Variants in TRPC5 observed in about 807,000 individuals in gnomAD.
TRPC5 encodes the protein short transient receptor potential channel 5.
TRPC5 carries 9 observed loss-of-function variants against 56.5 expected under a neutral mutation model. The ratio of observed to expected loss-of-function variants is 0.16; its 90% CI spans 0.10 to 0.28. The LOEUF (loss-of-function observed/expected upper bound fraction) is 0.28. Ranked by LOEUF, TRPC5 falls within the 10% of genes least tolerant of loss-of-function variation. TRPC5 has a pLI of 1.00. For missense variants in TRPC5, 469 were observed against 748.9 expected (o/e 0.63, Z 4.36); for synonymous variants, 282 against 278.5 (o/e 1.01, Z -0.13).
chrX:111,884,818 G>A (rs1411703824), intron 3 of TRPC5, among the ~76,000 whole-genome samples: 3 of 112,809 alleles, frequency 2.7e-5, no homozygotes, highest in African/African-American at 9.6e-5. Context: ...GCCTATCTAG[G>A]GCATAAGTCT....
chrX:111,842,189 G>A (rs1430248058), intron 6 of TRPC5, among the ~76,000 whole-genome samples: 1 of 100,242 alleles, frequency 1.0e-5, no homozygotes, highest in Non-Finnish European at 1.9e-5. Context: ...CCAGGCTGGA[G>A]TGAAATGGAG....
Position 111,936,543 on chromosome X carries a change from GTCC to G in TRPC5, c.378+15497_378+15499del, listed in dbSNP as rs1319972613. 2.8e-5 allele frequency among the ~76,000 whole-genome samples: 3 copies of G among 108,180 alleles called. No individual in the cohort carries two copies. In the East Asian group the frequency reaches 8.8e-4, roughly 32 times the overall value. 93.9% of individuals were successfully genotyped at this position (108,180 alleles called of 115,157 possible). ...CAGAGTGTGATGTTCCCTTTCCTGT[GTCC>G]ATGTGTTCTCATTGTTCAATTCCCA... On this transcript the variant is annotated intron_variant, in intron 2 of 10. Coordinates refer to ENST00000262839, the MANE Select transcript of TRPC5 (RefSeq NM_012471.3).
chrX:111,839,557 A>G (rs1484609138), intron 6 of TRPC5, among the ~76,000 whole-genome samples: 1 of 111,992 alleles, frequency 8.9e-6, no homozygotes, highest in Non-Finnish European at 1.9e-5. Context: ...CTTTGCATAT[A>G]CAGTTGTCCC....
rs755460218 is a variant in TRPC5, at chrX:111,786,417, A to G, written c.1897-4279T>C. On this transcript the variant is annotated intron_variant, in intron 7 of 10. Coordinates refer to ENST00000262839, the MANE Select transcript of TRPC5 (RefSeq NM_012471.3). Reference sequence around the variant, plus strand: ...CCTTACAAGAGCTACTGAATGAAGCACTAAACATGGATAGAAACAACCGGT... The same window carrying G: ...CCTTACAAGAGCTACTGAATGAAGCGCTAAACATGGATAGAAACAACCGGT... 4.5e-5 allele frequency among the ~76,000 whole-genome samples: 5 copies of G among 111,910 alleles called. No individual in the cohort carries two copies. The East Asian group carries it at 1.4e-3, about 31-fold the overall frequency.
In TRPC5 at chrX:111,952,396, C is replaced by A. The variant is rs763628339; in HGVS notation, c.25G>T (p.Val9Phe). The A allele has an allele frequency of 1.7e-6, 2 of 1,206,737 alleles. No homozygotes were observed. ...CGGTCTCTGTACGGTGAGTAGTTGA[C>A]CTTTTTGTAGTACAGTTGGGCCATG... MAQLYYKK[V>F]NYSPYRDRIP... The change falls in exon 2 of 11, where the codon GTC becomes TTC. Residue 9 changes from valine to phenylalanine, a missense_variant. By Grantham distance (50) the Val-to-Phe change is conservative (BLOSUM62 -1). Coordinates refer to ENST00000262839, the MANE Select transcript of TRPC5 (RefSeq NM_012471.3).
intron 2 of TRPC5, among the ~76,000 whole-genome samples, chrX:111,923,488 A>AT (rs1926178477): frequency 8.9e-6 from 1 of 112,152 alleles, no homozygotes; most frequent in Non-Finnish European, 1.9e-5. Context: ...CTGGAAAGGC[A>AT]TTTTTGTCAC....
chrX:111,779,332 G>A (rs1172295729), intron 9 of TRPC5, among the ~76,000 whole-genome samples: 1 of 111,784 alleles, frequency 8.9e-6, no homozygotes, highest in African/African-American at 3.2e-5. Flanking sequence ...ATTTCCAGTG[G>A]AATAATTCTT....
chrX:111,991,964 CAGAG>C (rs1324930860), intron 1 of TRPC5, among the ~76,000 whole-genome samples: 1 of 112,196 alleles, frequency 8.9e-6, no homozygotes, highest in Non-Finnish European at 1.9e-5. Context: ...CTTTCTAACT[CAGAG>C]AGAATTTATC....
chrX:111,825,222 C>T (rs1290973799), intron 7 of TRPC5, among the ~76,000 whole-genome samples: 11 of 60,872 alleles, frequency 1.8e-4, no homozygotes, highest in African/African-American at 6.2e-4. Context: ...TTTCTTTCTT[C>T]TTTCTTTCTC....
chrX:111,965,266 A>G (rs750283543), intron 1 of TRPC5, among the ~76,000 whole-genome samples: 1 of 112,338 alleles, frequency 8.9e-6, no homozygotes, highest in African/African-American at 3.2e-5. Context: ...TTCAACAAGA[A>G]GAGCTAACTA....
At chrX:112,051,870 A>G (rs143513636) in intron 1 of TRPC5, among the ~76,000 whole-genome samples, 1,699 of 111,934 alleles carry the variant, frequency 0.015, 23 homozygotes, top group Middle Eastern at 0.06. Flanking sequence ...ATTGATTCAC[A>G]CAGAAGTTGG....
chrX:111,924,107 G>T (rs1428905876), intron 2 of TRPC5, among the ~76,000 whole-genome samples: 1 of 112,112 alleles, frequency 8.9e-6, no homozygotes, highest in Non-Finnish European at 1.9e-5. Flanking sequence ...TGGATATCAT[G>T]ATAAAGGTTT....
In TRPC5 at chrX:112,028,895, G is replaced by A. The variant is rs1338432516; in HGVS notation, c.-22+52984C>T. On this transcript the variant is annotated intron_variant, in intron 1 of 10. Coordinates refer to ENST00000262839, the MANE Select transcript of TRPC5 (RefSeq NM_012471.3). ...GAACTAATTTACACTCCCACCAGCA[G>A]TGTAAAAGTGTTCCTATTTCTCCAC... Among the ~76,000 whole-genome samples the A allele has an allele frequency of 2.7e-5, 3 of 112,471 alleles. No homozygotes were observed. The East Asian group carries it at 8.4e-4, about 31-fold the overall frequency.
Position 111,938,743 on chromosome X carries a change from G to T in TRPC5, c.378+13300C>A, listed in dbSNP as rs769437703. Among the ~76,000 whole-genome samples, 4 of 112,122 alleles carry T rather than the reference G, an allele frequency of 3.6e-5. No homozygotes were observed. In the East Asian group the frequency reaches 1.1e-3, roughly 31 times the overall value. ...GCTTTTTAATGTGCTGCTGGATTCG[G>T]TTTGTCAGTATTTTACTGAGGATTT... On this transcript the variant is annotated intron_variant, in intron 2 of 10. Transcript: ENST00000262839.
intron 1 of TRPC5, among the ~76,000 whole-genome samples, chrX:112,074,020 G>T (rs143917228): frequency 9.0e-5 from 10 of 111,703 alleles, no homozygotes; most frequent in African/African-American, 2.9e-4. Flanking sequence ...GTTTACTCTG[G>T]CCAGGTACTG....
chrX:111,996,627 G>T (rs1200259100), intron 1 of TRPC5, among the ~76,000 whole-genome samples: 1 of 110,974 alleles, frequency 9.0e-6, no homozygotes, highest in African/African-American at 3.3e-5. Flanking sequence ...AAGTCTCTTT[G>T]TAGGTCTCTA....
chrX:111,892,358 A>G (rs751738902), intron 3 of TRPC5, among the ~76,000 whole-genome samples: 5 of 112,327 alleles, frequency 4.5e-5, no homozygotes, highest in Non-Finnish European at 9.4e-5. Flanking sequence ...TCTTGTCTCA[A>G]TGACCTTGCC....
intron 1 of TRPC5, among the ~76,000 whole-genome samples, chrX:112,010,652 T>C (rs1262452632): frequency 1.8e-5 from 2 of 111,364 alleles, no homozygotes; most frequent in East Asian, 5.7e-4. Flanking sequence ...AATTTATATA[T>C]AATAAAAATG....
At chrX:112,031,891 A>G in intron 1 of TRPC5, among the ~76,000 whole-genome samples, 1 of 107,703 alleles carries the variant, frequency 9.3e-6, no homozygotes, top group Non-Finnish European at 1.9e-5. Context: ...TATATATTTC[A>G]TATAGACTTT....
Sources: gnomAD v4.1 joint callset for allele counts (sites outside exome capture counted in the v4.1 genomes callset) on GRCh38, gnomAD v4.1.1 for gene constraint, MANE v1.5 for transcripts, NCBI Gene and HGNC (gene_info 2026-07-23, HGNC 2026-07-21) for gene names.